Variants in CDK6 observed in about 807,000 individuals in gnomAD.
The protein encoded by CDK6 is cyclin dependent kinase 6, also known as cyclin-dependent kinase 6.
A neutral mutation model predicts 37.1 loss-of-function variants in CDK6; 6 were observed. That is an observed-to-expected ratio of 0.16 (90% CI 0.09 to 0.32). The LOEUF is 0.32. Among genes scored for constraint, CDK6 ranks in the 10% least tolerant of loss-of-function variants. The probability of loss-of-function intolerance (pLI) is 1.00; values close to 1 mark genes in which losing one functional copy is unlikely to be tolerated. For missense variants in CDK6, 224 were observed against 418.9 expected, an observed-to-expected ratio of 0.53 and a Z score of 4.06; for synonymous variants, 160 against 161.3, an observed-to-expected ratio of 0.99 and a Z score of 0.06.
intron 5 of CDK6, among the ~76,000 whole-genome samples, chr7:92,644,410 G>A (rs1425623717): frequency 6.6e-6 from 1 of 152,182 alleles, no homozygotes; most frequent in Non-Finnish European, 1.5e-5. Flanking sequence ...TTCAAAGACT[G>A]AAATAAAAAT....
chr7:92,796,798 C>T (rs1186388678), intron 2 of CDK6, among the ~76,000 whole-genome samples: 3 of 151,988 alleles, frequency 2.0e-5, no homozygotes, highest in Admixed American at 2.0e-4. Context: ...ATACCACTAT[C>T]AAGTCATGTG....
chr7:92,624,528 A>G (rs1344745659), intron 5 of CDK6, among the ~76,000 whole-genome samples: 2 of 152,166 alleles, frequency 1.3e-5, no homozygotes, highest in Non-Finnish European at 2.9e-5. Flanking sequence ...CAGAACTGTG[A>G]GAAAATAAGC....
intron 3 of CDK6, among the ~76,000 whole-genome samples, chr7:92,744,058 G>A (rs748392750): frequency 2.0e-5 from 3 of 152,000 alleles, no homozygotes; most frequent in African/African-American, 4.8e-5. Context: ...TCCAATATTT[G>A]TCCAAATCTG....
chr7:92,736,503 T>A (rs933372478), intron 3 of CDK6, among the ~76,000 whole-genome samples: 2 of 152,132 alleles, frequency 1.3e-5, no homozygotes, highest in African/African-American at 4.8e-5. Flanking sequence ...GGGAGCAGCA[T>A]CTAAGCCAAT....
At chr7:92,623,490 C>G (rs951258092) in intron 5 of CDK6, among the ~76,000 whole-genome samples, 1 of 152,190 alleles carries the variant, frequency 6.6e-6, no homozygotes, top group Non-Finnish European at 1.5e-5. Flanking sequence ...CCATACTACT[C>G]TGCTATCAGA....
chr7:92,663,701 CAAA>C (rs113184787), intron 5 of CDK6, among the ~76,000 whole-genome samples: 1 of 118,482 alleles, frequency 8.4e-6, no homozygotes, highest in Admixed American at 8.5e-5. Context: ...ACTCTGTCTC[CAAA>C]AAAAAAAAAG....
At chr7:92,702,294 A>G (rs1797869776) in intron 4 of CDK6, among the ~76,000 whole-genome samples, 1 of 117,766 alleles carries the variant, frequency 8.5e-6, no homozygotes, top group African/African-American at 3.3e-5. Flanking sequence ...GTGCAGTGGC[A>G]TGATCTCGGC....
At chr7:92,630,752 G>A (rs1010317885) in intron 5 of CDK6, among the ~76,000 whole-genome samples, 1 of 152,118 alleles carries the variant, frequency 6.6e-6, no homozygotes. Flanking sequence ...CTCCCTTGTG[G>A]AAATTCTAGC....
intron 4 of CDK6, among the ~76,000 whole-genome samples, chr7:92,696,691 T>C (rs911154405): frequency 3.9e-5 from 6 of 152,180 alleles, no homozygotes; most frequent in South Asian, 2.1e-4. Flanking sequence ...ATTTTGTGGA[T>C]TTAAAGATGT....
chr7:92,797,687 G>GATCAGGAC (rs2115884213), intron 2 of CDK6, among the ~76,000 whole-genome samples: 1 of 152,282 alleles, frequency 6.6e-6, no homozygotes, highest in Non-Finnish European at 1.5e-5. Context: ...TAAGAATAAA[G>GATCAGGAC]ATCAGGACTA....
At chr7:92,774,544 T>C in intron 3 of CDK6, 152 bp downstream of exon 3, 1 of 608,540 alleles carries the variant, frequency 1.6e-6, no homozygotes, top group South Asian at 2.8e-5. Context: ...CTGGAATATA[T>C]CCCAATCTTT....
At chr7:92,747,011 C>T (rs1387279393) in intron 3 of CDK6, among the ~76,000 whole-genome samples, 1 of 152,086 alleles carries the variant, frequency 6.6e-6, no homozygotes, top group Admixed American at 6.6e-5. Flanking sequence ...ATTGTGGCAC[C>T]TCTCCTAGAT....
chr7:92,789,440 C>T (rs1024796347), intron 2 of CDK6, among the ~76,000 whole-genome samples: 53 of 152,222 alleles, frequency 3.5e-4, no homozygotes, highest in African/African-American at 1.2e-3. Context: ...ATGCATAGGA[C>T]AGTAATTATA....
intron 3 of CDK6, among the ~76,000 whole-genome samples, chr7:92,765,292 C>T (rs1324573173): frequency 2.6e-5 from 4 of 151,976 alleles, no homozygotes; most frequent in African/African-American, 9.7e-5. Flanking sequence ...CGTCCCACCC[C>T]GGGGAAGAAC....
At chr7:92,750,082 TAGTA>T (rs957280735) in intron 3 of CDK6, among the ~76,000 whole-genome samples, 1 of 148,246 alleles carries the variant, frequency 6.7e-6, no homozygotes, top group African/African-American at 2.7e-5. Context: ...CAAGCAAGTA[TAGTA>T]ACACATTCAA....
intron 3 of CDK6, among the ~76,000 whole-genome samples, chr7:92,761,192 G>A (rs763810311): frequency 1.3e-5 from 2 of 151,642 alleles, no homozygotes; most frequent in African/African-American, 2.4e-5. Context: ...TTTCCTTTGC[G>A]ATATTTTCTA....
intron 4 of CDK6, among the ~76,000 whole-genome samples, chr7:92,724,726 A>AT (rs927882903): frequency 3.3e-5 from 5 of 150,614 alleles, no homozygotes; most frequent in African/African-American, 4.9e-5. Flanking sequence ...AATACGGATT[A>AT]TTTTTTTTTA....
chr7:92,796,090 G>GA (rs756349460), intron 2 of CDK6, among the ~76,000 whole-genome samples: 293 of 69,184 alleles, frequency 4.2e-3, no homozygotes, highest in Middle Eastern at 0.01. Context: ...TTAACTTGGA[G>GA]AAAAAAAAAA....
chr7:92,729,392 A>G (rs1036192118), intron 3 of CDK6, among the ~76,000 whole-genome samples: 2 of 152,244 alleles, frequency 1.3e-5, no homozygotes, highest in East Asian at 3.8e-4. Context: ...TTTTTATGTT[A>G]TACGGCACAG....
Sources: gnomAD v4.1 joint callset for allele counts (sites outside exome capture counted in the v4.1 genomes callset) on GRCh38, gnomAD v4.1.1 for gene constraint, MANE v1.5 for transcripts, NCBI Gene and HGNC (gene_info 2026-07-23, HGNC 2026-07-21) for gene names.